Variants in CHCHD6 observed in about 807,000 individuals in gnomAD.
The protein encoded by CHCHD6 is MICOS complex subunit MIC25.
In CHCHD6, 28 loss-of-function variants were observed where a neutral mutation model predicts 32.3. The observed-to-expected ratio is 0.87, with a 90% confidence interval of 0.64 to 1.19. The LOEUF (loss-of-function observed/expected upper bound fraction) is 1.19, where lower values mean the gene tolerates loss of function less well. CHCHD6 is among the 50% of genes most tolerant of loss of function. The pLI is 0.00. For synonymous variants in CHCHD6, 122 were observed against 117.5 expected, an observed-to-expected ratio of 1.04 and a Z score of -0.25; for missense variants, 333 against 307.0, an observed-to-expected ratio of 1.08 and a Z score of -0.63.
intron 4 of CHCHD6, among the ~76,000 whole-genome samples, chr3:126,734,741 G>A (rs930437650): frequency 3.9e-5 from 6 of 152,188 alleles, no homozygotes; most frequent in Non-Finnish European, 7.3e-5. Flanking sequence ...GATCAGAGAC[G>A]GCATTAAACT....
chr3:126,862,618 TC>T, intron 5 of CHCHD6, among the ~76,000 whole-genome samples: 1 of 104,810 alleles, frequency 9.5e-6, no homozygotes, highest in African/African-American at 3.9e-5. Flanking sequence ...CACCTCCCCC[TC>T]CTCCACCATC....
At chr3:126,809,534 CTTTAG>C (rs1381888814) in intron 4 of CHCHD6, among the ~76,000 whole-genome samples, 2 of 152,176 alleles carry the variant, frequency 1.3e-5, no homozygotes, top group African/African-American at 2.4e-5. Flanking sequence ...CTTTGCTTAA[CTTTAG>C]TTTTCACTCA....
rs539797110 is a variant in CHCHD6 at position 126,878,997 on chromosome 3, C to T, written c.495+26267C>T. Reference sequence around the variant, plus strand: ...CACCTGTCCTCATTCACGCTTGTGGCAGTGGATGCTGGCTGTCGGTTGGGA... The same window carrying T: ...CACCTGTCCTCATTCACGCTTGTGGTAGTGGATGCTGGCTGTCGGTTGGGA... On this transcript the variant is annotated intron_variant, in intron 5 of 7. Transcript: ENST00000290913. 2.0e-4 allele frequency among the ~76,000 whole-genome samples: 31 copies of T among 152,300 alleles called. No homozygotes were observed. The South Asian group carries it at 5.8e-3, about 29-fold the overall frequency.
intron 4 of CHCHD6, among the ~76,000 whole-genome samples, chr3:126,789,951 A>G (rs1938440855): frequency 6.6e-6 from 1 of 152,068 alleles, no homozygotes; most frequent in Non-Finnish European, 1.5e-5. Flanking sequence ...ATGTTTTTGC[A>G]GTGGTTGCTA....
intron 5 of CHCHD6, among the ~76,000 whole-genome samples, chr3:126,880,193 G>A (rs2077590586): frequency 6.6e-6 from 1 of 152,144 alleles, no homozygotes; most frequent in African/African-American, 2.4e-5. Flanking sequence ...CCCTTTCAGT[G>A]ATGGAAACTC....
chr3:126,804,329 GA>G (rs1176967137), intron 4 of CHCHD6, among the ~76,000 whole-genome samples: 2 of 150,826 alleles, frequency 1.3e-5, no homozygotes, highest in Non-Finnish European at 2.9e-5. Flanking sequence ...GACTAATAAA[GA>G]AAAAAAGAGA....
intron 4 of CHCHD6, among the ~76,000 whole-genome samples, chr3:126,771,274 G>A (rs1314102463): frequency 4.0e-5 from 6 of 148,858 alleles, no homozygotes; most frequent in Non-Finnish European, 7.4e-5. Flanking sequence ...GCGCAATCTC[G>A]GCTCACTGCA....
At chr3:126,861,657 C>G (rs1201684038) in intron 5 of CHCHD6, among the ~76,000 whole-genome samples, 1 of 150,432 alleles carries the variant, frequency 6.6e-6, no homozygotes, top group South Asian at 2.1e-4. Flanking sequence ...CCACCTCCCC[C>G]TCCTCTACCA....
intron 4 of CHCHD6, among the ~76,000 whole-genome samples, chr3:126,795,661 T>G (rs1938757771): frequency 6.6e-6 from 1 of 152,190 alleles, no homozygotes; most frequent in Admixed American, 6.5e-5. Context: ...TGGGTTGGTG[T>G]CATCTTACCA....
chr3:126,929,707 AG>A, intron 6 of CHCHD6, among the ~76,000 whole-genome samples: 1 of 152,074 alleles, frequency 6.6e-6, no homozygotes, highest in South Asian at 2.1e-4. Flanking sequence ...CAGGGATTAC[AG>A]GCGCCCACCA....
At chr3:126,894,304 G>A (rs940912332) in intron 5 of CHCHD6, among the ~76,000 whole-genome samples, 1 of 152,218 alleles carries the variant, frequency 6.6e-6, no homozygotes, top group African/African-American at 2.4e-5. Context: ...CGGTTCTCCT[G>A]AGGGCCCACA....
chr3:126,928,972 T>C (rs1370135799), intron 6 of CHCHD6, among the ~76,000 whole-genome samples: 1 of 152,220 alleles, frequency 6.6e-6, no homozygotes, highest in Non-Finnish European at 1.5e-5. Context: ...ATTTCATCTC[T>C]GTATAGCCCT....
chr3:126,893,524 G>T (rs61709464), intron 5 of CHCHD6, among the ~76,000 whole-genome samples: 2 of 152,142 alleles, frequency 1.3e-5, no homozygotes, highest in Non-Finnish European at 2.9e-5. Context: ...CAGGAGTTGC[G>T]ATAAAAGCCA....
chr3:126,766,669 A>G (rs1445307333), intron 4 of CHCHD6: 3 of 1,052,362 alleles, frequency 2.9e-6, no homozygotes, highest in Non-Finnish European at 4.4e-6. Context: ...GGTGGCCACA[A>G]TGATGCTGCT....
chr3:126,804,922 G>A (rs995389035), intron 4 of CHCHD6, among the ~76,000 whole-genome samples: 1 of 151,766 alleles, frequency 6.6e-6, no homozygotes, highest in Non-Finnish European at 1.5e-5. Flanking sequence ...ATGTAATCCA[G>A]CATATAAACA....
chr3:126,874,780 C>T lies in CHCHD6; in HGVS notation c.495+22050C>T, dbSNP rs138819627. ...AATAAGTCCATATTTCTCATTACCA[C>T]ACAAAACAGCCTGCCAGTTCCCTGC... On this transcript the variant is annotated intron_variant, in intron 5 of 7. Transcript: ENST00000290913. Among the ~76,000 whole-genome samples the T allele has an allele frequency of 5.8e-3, 876 of 152,276 alleles. 10 individuals are homozygous for T. The highest frequency in any genetic ancestry group is 0.02 in the African/African-American group (841 of 41,564).
intron 6 of CHCHD6, 36 bp from the exon 7 acceptor site, chr3:126,957,380 C>A: frequency 6.2e-7 from 1 of 1,600,696 alleles, no homozygotes; most frequent in Non-Finnish European, 8.5e-7. Context: ...CTGCTGGCAC[C>A]TGAGCCCCAG....
intron 4 of CHCHD6, among the ~76,000 whole-genome samples, chr3:126,786,276 C>G (rs754513998): frequency 1.3e-5 from 2 of 152,066 alleles, no homozygotes; most frequent in Non-Finnish European, 2.9e-5. Context: ...TGAATGGTGC[C>G]GCAATAAACA....
intron 4 of CHCHD6, among the ~76,000 whole-genome samples, chr3:126,819,976 G>C (rs745805038): frequency 6.6e-6 from 1 of 152,198 alleles, no homozygotes; most frequent in East Asian, 1.9e-4. Flanking sequence ...CTGTAGCTTA[G>C]TGGGAAGAAC....
Sources: gnomAD v4.1 joint callset for allele counts (sites outside exome capture counted in the v4.1 genomes callset) on GRCh38, gnomAD v4.1.1 for gene constraint, MANE v1.5 for transcripts, NCBI Gene and HGNC (gene_info 2026-07-23, HGNC 2026-07-21) for gene names.